Variants in NCKAP5 observed in about 807,000 individuals in gnomAD.
The protein encoded by NCKAP5 is NCK associated protein 5.
NCKAP5 carries 92 observed loss-of-function variants against 167.0 expected under a neutral mutation model. The observed-to-expected ratio is 0.55, with a 90% CI of 0.47 to 0.66. The LOEUF (loss-of-function observed/expected upper bound fraction) is 0.66, where lower values mean the gene tolerates loss of function less well. Ranked by LOEUF, NCKAP5 falls within the 30% of genes least tolerant of loss-of-function variation. NCKAP5 has a pLI of 0.00. For synonymous variants in NCKAP5, 891 were observed against 877.4 expected (o/e 1.02, Z -0.27); for missense variants, 2,378 against 2,315.0 (o/e 1.03, Z -0.56).
intron 6 of NCKAP5, among the ~76,000 whole-genome samples, chr2:133,089,701 T>C (rs1161181113): frequency 6.6e-6 from 1 of 152,232 alleles, no homozygotes; most frequent in East Asian, 1.9e-4. Context: ...CATTTGTACA[T>C]ACACAAGTGT....
chr2:133,263,423 AT>A (rs1287336314), intron 4 of NCKAP5, among the ~76,000 whole-genome samples: 2 of 152,046 alleles, frequency 1.3e-5, no homozygotes, highest in African/African-American at 4.8e-5. Flanking sequence ...CTTATCTGTT[AT>A]CTAGTCATAC....
intron 3 of NCKAP5, among the ~76,000 whole-genome samples, chr2:133,335,436 G>T (rs1683146863): frequency 6.6e-6 from 1 of 152,140 alleles, no homozygotes; most frequent in South Asian, 2.1e-4. Flanking sequence ...ATAATTGCAA[G>T]CGAAAATTTT....
chr2:132,977,391 TTCTC>T (rs1231213953), intron 7 of NCKAP5, among the ~76,000 whole-genome samples: 1 of 152,214 alleles, frequency 6.6e-6, no homozygotes, highest in Non-Finnish European at 1.5e-5. Context: ...TAAATTGATT[TTCTC>T]TCTTAGAAAA....
chr2:133,658,300 A>G, the NCKAP5 span, among the ~76,000 whole-genome samples: 1 of 152,294 alleles, frequency 6.6e-6, no homozygotes, highest in East Asian at 1.9e-4. Flanking sequence ...TACATCCTGT[A>G]AGCTTGTATT....
In NCKAP5 at chr2:132,897,913, G is replaced by A. The variant is rs576438420; in HGVS notation, c.580-18997C>T. On this transcript the variant is annotated intron_variant, in intron 8 of 19. Transcript: ENST00000409261. The stretch of plus-strand genomic sequence containing the variant: ...TTTTGTCTCCATGTTGATGGCTGCT[G>A]ACTGACTAGGGTGGTAGCTACTTAC... Among the ~76,000 whole-genome samples the A allele has an allele frequency of 2.0e-5, 3 of 152,336 alleles. No homozygotes were observed. The East Asian group carries it at 5.8e-4, about 29-fold the overall frequency.
chr2:133,121,675 C>CA (rs1404747592), intron 6 of NCKAP5, among the ~76,000 whole-genome samples: 1 of 152,188 alleles, frequency 6.6e-6, no homozygotes, highest in African/African-American at 2.4e-5. Context: ...ATTTGGAAAA[C>CA]AGTTTGGCAG....
intron 6 of NCKAP5, among the ~76,000 whole-genome samples, chr2:133,055,545 GAATA>G (rs991280248): frequency 1.3e-5 from 2 of 150,346 alleles, no homozygotes; most frequent in Admixed American, 6.6e-5. Flanking sequence ...TACCAGGAAA[GAATA>G]AATAAGCTAT....
intron 11 of NCKAP5, among the ~76,000 whole-genome samples, chr2:132,847,705 T>A (rs1688768139): frequency 6.6e-6 from 1 of 152,150 alleles, no homozygotes; most frequent in Non-Finnish European, 1.5e-5. Context: ...AGTCAAAAAA[T>A]CAAAAGTCAT....
chr2:133,444,881 A>G (rs1691097830), intron 3 of NCKAP5, among the ~76,000 whole-genome samples: 1 of 152,104 alleles, frequency 6.6e-6, no homozygotes, highest in Non-Finnish European at 1.5e-5. Flanking sequence ...ACTCATTGTG[A>G]TTCTCCTGTG....
At chr2:133,647,533 AAAG>A in the NCKAP5 span, among the ~76,000 whole-genome samples, 3 of 116,312 alleles carry the variant, frequency 2.6e-5, no homozygotes, top group South Asian at 8.1e-4. Context: ...AAAGGAAAGG[AAAG>A]GAGGGAGGGA....
At chr2:133,430,151 C>T (rs1056512889) in intron 3 of NCKAP5, among the ~76,000 whole-genome samples, 4 of 151,932 alleles carry the variant, frequency 2.6e-5, no homozygotes, top group African/African-American at 9.7e-5. Flanking sequence ...GTCCTTTGCT[C>T]TTCTTGATTT....
At chr2:133,238,794 A>G (rs1292560338) in intron 4 of NCKAP5, among the ~76,000 whole-genome samples, 1 of 152,194 alleles carries the variant, frequency 6.6e-6, no homozygotes, top group Non-Finnish European at 1.5e-5. Flanking sequence ...ATCAGGGGCC[A>G]AGGTCCTGCT....
chr2:133,559,411 T>C (rs923618894), intron 1 of NCKAP5, among the ~76,000 whole-genome samples: 1 of 152,220 alleles, frequency 6.6e-6, no homozygotes, highest in Non-Finnish European at 1.5e-5. Context: ...CTGGAACTCT[T>C]GGGTTCAAGT....
chr2:132,952,541 T>C (rs116840512), intron 8 of NCKAP5, among the ~76,000 whole-genome samples: 8 of 152,140 alleles, frequency 5.3e-5, no homozygotes, highest in Non-Finnish European at 1.0e-4. Flanking sequence ...TATGTCTTGA[T>C]TGAACAAGCT....
intron 8 of NCKAP5, among the ~76,000 whole-genome samples, chr2:132,883,178 G>C (rs1691906779): frequency 1.4e-5 from 2 of 145,950 alleles, no homozygotes; most frequent in Non-Finnish European, 3.0e-5. Flanking sequence ...CTCCAGCCTG[G>C]GCGACAAAAC....
At chr2:132,960,087 A>G (rs2076467251) in intron 8 of NCKAP5, among the ~76,000 whole-genome samples, 1 of 152,202 alleles carries the variant, frequency 6.6e-6, no homozygotes. Context: ...AAAAGCTGGC[A>G]ACAGCTGAAA....
At chr2:132,995,969 T>C (rs2077586964) in intron 6 of NCKAP5, among the ~76,000 whole-genome samples, 1 of 152,082 alleles carries the variant, frequency 6.6e-6, no homozygotes, top group Non-Finnish European at 1.5e-5. Flanking sequence ...AACAAAACTC[T>C]GTCTCAAAAA....
rs75642839 is a variant in NCKAP5 at position 132,703,786 on chromosome 2, G to A, written c.5713+21841C>T. On this transcript the variant is annotated intron_variant, in intron 19 of 19. Coordinates refer to ENST00000409261, the MANE Select transcript of NCKAP5 (RefSeq NM_207363.3). ...TAGAGATTACCAAGATAAATAAAAT[G>A]TGGAAATAAGCTAGATGATTAAGAT... Among the ~76,000 whole-genome samples the A allele has an allele frequency of 9.5e-3, 1,447 of 152,296 alleles. 23 individuals carry two copies. The highest frequency in any genetic ancestry group is 0.033 in the African/African-American group (1,368 of 41,556).
chr2:133,439,623 A>C (rs1038745645), intron 3 of NCKAP5, among the ~76,000 whole-genome samples: 1 of 152,214 alleles, frequency 6.6e-6, no homozygotes, highest in African/African-American at 2.4e-5. Context: ...ATATACATAC[A>C]TGGAAATAAT....
Sources: allele counts gnomAD v4.1 joint callset (sites outside exome capture counted in the v4.1 genomes callset), GRCh38; gene constraint gnomAD v4.1.1; transcripts MANE v1.5; gene names NCBI Gene and HGNC (gene_info 2026-07-23, HGNC 2026-07-21).